The following ACAN variants were observed in gnomAD, a reference collection of about 807,000 sequenced individuals.
ACAN encodes the protein aggrecan, also known as aggrecan core protein.
ACAN carries 47 observed loss-of-function variants against 169.1 expected under a neutral mutation model. The ratio of observed to expected loss-of-function variants is 0.28; its 90% CI spans 0.22 to 0.35. The LOEUF (loss-of-function observed/expected upper bound fraction) is 0.35, where lower values mean the gene tolerates loss of function less well. ACAN is among the 10% of genes least tolerant of loss of function. The pLI, the probability that ACAN is intolerant of heterozygous loss-of-function variation, is 1.00. For synonymous variants in ACAN, 1,115 were observed against 1,112.2 expected, an observed-to-expected ratio of 1.00 and a Z score of -0.05; for missense variants, 2,716 against 2,759.9, an observed-to-expected ratio of 0.98 and a Z score of 0.36.
At chr15:88,844,637 T>A (rs1352437209) in intron 6 of ACAN, among the ~76,000 whole-genome samples, 1 of 152,200 alleles carries the variant, frequency 6.6e-6, no homozygotes, top group African/African-American at 2.4e-5. Context: ...CCTCCCAAAG[T>A]GCTGGGCTTG....
intron 1 of ACAN, among the ~76,000 whole-genome samples, chr15:88,804,207 G>T (rs2141476332): frequency 6.6e-6 from 1 of 152,194 alleles, no homozygotes; most frequent in East Asian, 1.9e-4. Context: ...TTTTGAGCTG[G>T]AAGGTGTGCT....
At chr15:88,840,737 G>A (rs1399551843) in intron 4 of ACAN, among the ~76,000 whole-genome samples, 2 of 150,580 alleles carry the variant, frequency 1.3e-5, no homozygotes, top group Non-Finnish European at 2.9e-5. Flanking sequence ...AAATGTCTTT[G>A]CAGTCTCGGG....
intron 1 of ACAN, among the ~76,000 whole-genome samples, chr15:88,829,746 T>C (rs1311941781): frequency 6.6e-6 from 1 of 152,168 alleles, no homozygotes; most frequent in Non-Finnish European, 1.5e-5. Flanking sequence ...CGCAGGCAAA[T>C]CTTACTGGTC....
intron 4 of ACAN, among the ~76,000 whole-genome samples, chr15:88,840,418 C>A (rs942509843): frequency 6.6e-6 from 1 of 152,218 alleles, no homozygotes; most frequent in Non-Finnish European, 1.5e-5. Context: ...TGCTAGCAAC[C>A]TTGCCCTACA....
intron 2 of ACAN, among the ~76,000 whole-genome samples, chr15:88,836,957 A>T (rs1433712394): frequency 6.6e-6 from 1 of 152,138 alleles, no homozygotes; most frequent in Non-Finnish European, 1.5e-5. Flanking sequence ...TCCAGCCTCA[A>T]CCCTCTCCAA....
rs1895913498 is a variant in ACAN, at chr15:88,815,404, T to C, written c.-8+11595T>C. Among the ~76,000 whole-genome samples the C allele has an allele frequency of 4.0e-5, 6 of 151,730 alleles. No individual in the cohort carries two copies. The South Asian group carries it at 1.3e-3, about 32-fold the overall frequency. On this transcript the variant is annotated intron_variant, in intron 1 of 18. Transcript: ENST00000560601. ...AGAAACCTCGTCTCTACTAAAAATA[T>C]AAAAATTAACTGGGTGAGGCAGCAG...
chr15:88,806,275 A>G (rs1895680188), intron 1 of ACAN, among the ~76,000 whole-genome samples: 1 of 152,122 alleles, frequency 6.6e-6, no homozygotes. Context: ...GTGGGTCACA[A>G]ACCCCAAGTT....
intron 1 of ACAN, among the ~76,000 whole-genome samples, chr15:88,823,727 T>C (rs1363577430): frequency 6.6e-6 from 1 of 152,120 alleles, no homozygotes; most frequent in Non-Finnish European, 1.5e-5. Context: ...CCCAGCCTCT[T>C]GGAGATGCAG....
intron 11 of ACAN, 94 bp downstream of exon 11, chr15:88,852,127 G>C: frequency 6.8e-7 from 1 of 1,477,536 alleles, no homozygotes. Flanking sequence ...TCCCTCCCTG[G>C]GATTTGTGCT....
In ACAN at chr15:88,874,671, A is replaced by C. The variant is rs150780510; in HGVS notation, c.*190A>C. 4.2e-3 allele frequency: 2,850 copies of C among 686,658 alleles called. 18 individuals are homozygous for C. Among genetic ancestry groups the C allele is most frequent in the Non-Finnish European group, 6.5e-3 (2,474 of 378,394 alleles). 42.5% of individuals were successfully genotyped at this position (686,658 alleles called of 1,614,324 possible). On this transcript the variant is annotated 3_prime_UTR_variant, in exon 19 of 19. Coordinates refer to ENST00000560601, the MANE Select transcript of ACAN (RefSeq NM_001369268.1). The surrounding 1 kb of genome is among the most constrained non-coding windows in gnomAD (Gnocchi z 7.3). ...CCTCCAAATCAGCAAAACCGCATCT[A>C]ATTTGTCCGCCGAATGCCAAAGCAA... is the stretch of plus-strand genomic sequence containing the variant.
Position 88,843,736 on chromosome 15 carries a change from G to A in ACAN, c.1051+88G>A, listed in dbSNP as rs1896726222. On this transcript the variant is annotated intron_variant, in intron 6 of 18. Transcript: ENST00000560601. This position sits in a 1 kb window ranked among gnomAD's most constrained non-coding sequence, Gnocchi z 4.0. Reference sequence around the variant, plus strand: ...AGGGGATCTTGGAAAGGGAGGGTTGGTTTTTGCCCTTGAAGGGGCCACGGG... The same window carrying A: ...AGGGGATCTTGGAAAGGGAGGGTTGATTTTTGCCCTTGAAGGGGCCACGGG... 1 of 1,486,722 alleles carries A rather than the reference G, an allele frequency of 6.7e-7. No individual in the cohort carries two copies. Among genetic ancestry groups the A allele is most frequent in the African/African-American group, 1.4e-5 (1 of 71,486 alleles). The allele number at this position is 1,486,722 out of a possible 1,614,324, so 92.1% of individuals were successfully genotyped here.
At position 88,873,035 on chromosome 15, in the gene ACAN, C is replaced by T. The variant is rs369070625; in HGVS notation, c.7447+10C>T. The T allele has an allele frequency of 6.8e-5, 110 of 1,610,568 alleles. No homozygotes were observed. The highest frequency in any genetic ancestry group is 1.6e-4 in the Middle Eastern group (1 of 6,078). ...TGTAAAAAGGGCACAGGTAAGCTGG[C>T]GCCTGGGAGGGGTCAGGGGAGGATA... On this transcript the variant is annotated intron_variant, in intron 17 of 18. Coordinates refer to ENST00000560601, the MANE Select transcript of ACAN (RefSeq NM_001369268.1). This position sits in a 1 kb window ranked among gnomAD's most constrained non-coding sequence, Gnocchi z 7.5.
chr15:88,868,178 C>T lies in ACAN; in HGVS notation c.6947-38C>T, dbSNP rs1455132063. ...ACAGTGCTTGTGAGGCTGGAGTTGC[C>T]GGCAGGAGTCCTAATGGTGGCCCTT... On this transcript the variant is annotated intron_variant, in intron 13 of 18. Transcript: ENST00000560601. The surrounding 1 kb of genome is among the most constrained non-coding windows in gnomAD (Gnocchi z 5.2). 1.7e-5 allele frequency: 12 copies of T among 694,748 alleles called. No homozygotes were observed. Among genetic ancestry groups the T allele is most frequent in the South Asian group, 3.0e-5 (2 of 66,034 alleles). The allele number at this position is 694,748 out of a possible 1,614,324, so 43.0% of individuals were successfully genotyped here. A position where few individuals can be genotyped will look rare whatever the true frequency, so the allele number is the denominator to read the frequency against.
chr15:88,806,706 T>C (rs1028889326), intron 1 of ACAN, among the ~76,000 whole-genome samples: 1 of 152,176 alleles, frequency 6.6e-6, no homozygotes, highest in Non-Finnish European at 1.5e-5. Flanking sequence ...ACCCTTCTTA[T>C]TGGGCCCTTA....
rs911181458 is a variant in ACAN, at chr15:88,839,049, G to A, written c.454+3G>A. 6.2e-7 allele frequency: 1 copy of A among 1,600,948 alleles called. No individual in the cohort carries two copies. Among genetic ancestry groups the A allele is most frequent in the East Asian group, 2.2e-5 (1 of 44,876 alleles). On this transcript the variant is annotated splice_donor_region_variant and intron_variant, in intron 3 of 18. Coordinates refer to ENST00000560601, the MANE Select transcript of ACAN (RefSeq NM_001369268.1). This position sits in a 1 kb window ranked among gnomAD's most constrained non-coding sequence, Gnocchi z 4.5. ...CACCCTGGAAGTCGTGGTGAAAGGTGAGAGCCTCCCACAGGGACAGACGCT... is the reference window on the plus strand; with the variant it reads ...CACCCTGGAAGTCGTGGTGAAAGGTAAGAGCCTCCCACAGGGACAGACGCT...
chr15:88,847,482 C>G, intron 8 of ACAN, 65 bp downstream of exon 8: 2 of 1,457,742 alleles, frequency 1.4e-6, no homozygotes, highest in Non-Finnish European at 1.8e-6. Context: ...GAGCCACAGC[C>G]TGACACCGCC....
chr15:88,860,945 G>T (rs1174196782), intron 13 of ACAN, among the ~76,000 whole-genome samples: 2 of 152,136 alleles, frequency 1.3e-5, no homozygotes, highest in African/African-American at 4.8e-5. Flanking sequence ...CCAGCACAGG[G>T]ATTCGTGGAT....
Position 88,858,259 on chromosome 15 carries a change from C to G in ACAN, c.5674C>G (p.Pro1892Ala), listed in dbSNP as rs767984963. The G allele has an allele frequency of 1.9e-6, 3 of 1,613,820 alleles. No homozygotes were observed. In the South Asian group the frequency reaches 3.3e-5, roughly 18 times the overall value. The change falls in exon 12 of 19, where the codon CCG (proline) becomes GCG (alanine). Residue 1892 changes from proline (P) to alanine (A), a missense_variant. Pro to Ala is a conservative substitution (Grantham distance 27). Around this residue, in one of 3 missense-constraint regions of ACAN, gnomAD observed 1,389 missense variants for 1,363.7 expected, o/e 1.02. Coordinates refer to ENST00000560601, the MANE Select transcript of ACAN (RefSeq NM_001369268.1). The surrounding 1 kb of genome is among the most constrained non-coding windows in gnomAD (Gnocchi z 4.0). ...VDSSGFTSQT[P>A]EFSGLPSGIA... is the part of the protein sequence containing the mutation. ...TTCCAGTGGGTTTACATCCCAGACT[C>G]CGGAATTCAGTGGCCTACCAAGTGG...
At chr15:88,860,950 G>A (rs1327311106) in intron 13 of ACAN, among the ~76,000 whole-genome samples, 3 of 152,116 alleles carry the variant, frequency 2.0e-5, no homozygotes, top group Non-Finnish European at 2.9e-5. Flanking sequence ...ACAGGGATTC[G>A]TGGATGTAGG....
Sources: allele counts gnomAD v4.1 joint callset (sites outside exome capture counted in the v4.1 genomes callset), GRCh38; gene constraint gnomAD v4.1.1; regional missense constraint gnomAD v4.1.1; non-coding constraint Gnocchi (gnomAD v3.1); transcripts MANE v1.5; gene names NCBI Gene and HGNC (gene_info 2026-07-23, HGNC 2026-07-21).